Variants in AFAP1L2 observed in about 807,000 individuals in gnomAD.
The protein encoded by AFAP1L2 is actin filament-associated protein 1-like 2.
Under a neutral mutation model 99.3 loss-of-function variants are expected in AFAP1L2, and 46 were observed. The observed-to-expected ratio is 0.46, with a 90% CI of 0.37 to 0.59. The LOEUF (loss-of-function observed/expected upper bound fraction) is 0.59, where lower values mean the gene tolerates loss of function less well. Among genes scored for constraint, AFAP1L2 ranks in the 20% least tolerant of loss-of-function variants. AFAP1L2 has a pLI of 0.00. For missense variants in AFAP1L2, 959 were observed against 1,034.9 expected, an observed-to-expected ratio of 0.93 and a Z score of 1.01; for synonymous variants, 397 against 419.1, an observed-to-expected ratio of 0.95 and a Z score of 0.64.
chr10:114,378,584 G>T (rs2055125542), intron 1 of AFAP1L2, among the ~76,000 whole-genome samples: 1 of 152,184 alleles, frequency 6.6e-6, no homozygotes, highest in Non-Finnish European at 1.5e-5. Context: ...ATGGAGTCTT[G>T]CTCCTTCTGC....
the AFAP1L2 span, among the ~76,000 whole-genome samples, chr10:114,288,045 G>A: frequency 3.9e-5 from 6 of 152,120 alleles, no homozygotes; most frequent in Non-Finnish European, 8.8e-5. Flanking sequence ...TCCATACTTA[G>A]AATTTCCAGT....
At chr10:114,390,814 G>A (rs987835024) in intron 1 of AFAP1L2, among the ~76,000 whole-genome samples, 18 of 151,592 alleles carry the variant, frequency 1.2e-4, no homozygotes, top group East Asian at 3.9e-4. Context: ...TGAACCCAGC[G>A]TCCCTGGGAA....
At chr10:114,351,804 C>T (rs536928043) in intron 1 of AFAP1L2, among the ~76,000 whole-genome samples, 1 of 152,324 alleles carries the variant, frequency 6.6e-6, no homozygotes, top group African/African-American at 2.4e-5. Context: ...GCCCTGGGTT[C>T]TTGATCTTGC....
intron 11 of AFAP1L2, 142 bp from the exon 12 acceptor site, chr10:114,302,626 T>C: frequency 1.0e-6 from 1 of 1,003,118 alleles, no homozygotes; most frequent in South Asian, 1.6e-5. Flanking sequence ...GTGCTTCTCC[T>C]GTTCACCAGC....
Position 114,404,452 on chromosome 10 carries a change from C to A in AFAP1L2, c.4G>T (p.Glu2Ter), listed in dbSNP as rs1308932579. The A allele has an allele frequency of 6.5e-7, 1 of 1,541,528 alleles. No individual in the cohort carries two copies. Among genetic ancestry groups the A allele is most frequent in the Non-Finnish European group, 8.7e-7 (1 of 1,145,784 alleles). The stretch of plus-strand genomic sequence containing the variant: ...CCCGCGCCCTCACCTTTGTACCGCT[C>A]CATCGGGGCCACGGAGTGCGCTCCT... The part of the protein sequence containing the change: M[E>*]RYKALEQLLT... The change falls in exon 1 of 19, where the codon GAG (glutamate) becomes TAG (stop). Residue 2 changes from glutamate to a stop codon, truncating the protein, a stop_gained. Transcript: ENST00000304129. LOFTEE classifies it high-confidence loss of function.
At position 114,300,435 on chromosome 10, in the gene AFAP1L2, A is replaced by G. The variant is rs78313014; in HGVS notation, c.1788+10T>C. Reference sequence around the variant, plus strand: ...AGGTGGTCTTGCTGTCCTGCAGGGGAGGCCTGTACCTGTTCTCCCAGGTTC... The same window carrying G: ...AGGTGGTCTTGCTGTCCTGCAGGGGGGGCCTGTACCTGTTCTCCCAGGTTC... On this transcript the variant is annotated intron_variant, in intron 14 of 18. Coordinates refer to ENST00000304129, the MANE Select transcript of AFAP1L2 (RefSeq NM_001001936.3). The G allele has an allele frequency of 6.2e-7, 1 of 1,614,080 alleles. No individual in the cohort carries two copies. Among genetic ancestry groups the G allele is most frequent in the South Asian group, 1.1e-5 (1 of 91,062 alleles).
At chr10:114,346,605 C>T (rs1259020086) in intron 1 of AFAP1L2, among the ~76,000 whole-genome samples, 1 of 152,210 alleles carries the variant, frequency 6.6e-6, no homozygotes, top group Admixed American at 6.5e-5. Flanking sequence ...CCCTGGAACT[C>T]GCTCACCACA....
intron 1 of AFAP1L2, among the ~76,000 whole-genome samples, chr10:114,367,623 C>A (rs1351653511): frequency 1.3e-5 from 2 of 152,142 alleles, no homozygotes; most frequent in East Asian, 3.9e-4. Flanking sequence ...AGAATGCAAC[C>A]CCCAGTAAAT....
At position 114,299,296 on chromosome 10, in the gene AFAP1L2, T is replaced by C; in HGVS notation, c.2077A>G (p.Lys693Glu). 6.2e-7 allele frequency: 1 copy of C among 1,614,246 alleles called. No individual in the cohort carries two copies. The highest frequency in any genetic ancestry group is 8.5e-7 in the Non-Finnish European group (1 of 1,180,034). The change falls in exon 16 of 19, where the codon AAA becomes GAA. Residue 693 changes from lysine to glutamate, a missense_variant. By Grantham distance (56) the Lys-to-Glu change is moderately conservative. This residue lies in a region of AFAP1L2 where 576 missense variants were observed against 562.1 expected (regional missense o/e 1.02). Transcript: ENST00000304129. ...RGHLAQLRKE[K>E]RELKETLLKC... is the part of the protein sequence containing the mutation. The stretch of plus-strand genomic sequence containing the variant: ...AGTAGGGTTTCCTTTAGCTCCCGTT[T>C]CTCTTTCCGGAGCTGAGCCAGGTGC...
chr10:114,319,704 G>C, intron 5 of AFAP1L2: 1 of 1,211,782 alleles, frequency 8.3e-7, no homozygotes. Context: ...ATGAAGAGAG[G>C]AGCACGCCCA....
intron 1 of AFAP1L2, among the ~76,000 whole-genome samples, chr10:114,380,947 G>A (rs2055530976): frequency 6.6e-6 from 1 of 152,206 alleles, no homozygotes; most frequent in Non-Finnish European, 1.5e-5. Context: ...CCCAAATGAT[G>A]AAACATAGAT....
intron 1 of AFAP1L2, among the ~76,000 whole-genome samples, chr10:114,402,653 T>C (rs2058332377): frequency 6.6e-6 from 1 of 152,198 alleles, no homozygotes; most frequent in Admixed American, 6.5e-5. Context: ...GTGGGAGGAT[T>C]TTAAGCTCCT....
At chr10:114,302,895 T>G (rs1385850077) in intron 11 of AFAP1L2, among the ~76,000 whole-genome samples, 1 of 152,238 alleles carries the variant, frequency 6.6e-6, no homozygotes, top group Non-Finnish European at 1.5e-5. Context: ...ACAATGCATG[T>G]CATTCCCCCA....
intron 1 of AFAP1L2, among the ~76,000 whole-genome samples, chr10:114,400,737 C>T (rs560589687): frequency 1.3e-5 from 2 of 152,286 alleles, no homozygotes; most frequent in Non-Finnish European, 2.9e-5. Flanking sequence ...ACTTTGGCTG[C>T]ATATTGGAAT....
At position 114,300,521 on chromosome 10, in the gene AFAP1L2, G is replaced by A. The variant is rs749009968; in HGVS notation, c.1712C>T (p.Ala571Val). The change falls in exon 14 of 19, where the codon GCC becomes GTC. Residue 571 changes from alanine (A) to valine (V), a missense_variant. By Grantham distance (64) the Ala-to-Val change is moderately conservative. This residue lies in a region of AFAP1L2 where 576 missense variants were observed against 562.1 expected (regional missense o/e 1.02). Coordinates refer to ENST00000304129, the MANE Select transcript of AFAP1L2 (RefSeq NM_001001936.3). Reference sequence around the variant, plus strand: ...ACCTGGGCCTGAGTCTGCCGGGAGGGCCTCAGTTGCATTGTCCAGGCAGGA... The same window carrying A: ...ACCTGGGCCTGAGTCTGCCGGGAGGACCTCAGTTGCATTGTCCAGGCAGGA... ...TLSCLDNATE[A>V]LPADSGPGPT... 16 of 1,614,018 alleles carry A rather than the reference G, an allele frequency of 9.9e-6. No individual in the cohort carries two copies. The highest frequency in any genetic ancestry group is 1.3e-5 in the Non-Finnish European group (15 of 1,180,026).
At chr10:114,355,051 A>C (rs1291096513) in intron 1 of AFAP1L2, among the ~76,000 whole-genome samples, 1 of 152,208 alleles carries the variant, frequency 6.6e-6, no homozygotes, top group Non-Finnish European at 1.5e-5. Context: ...GAAAAGTCCA[A>C]GCACAAAATC....
chr10:114,371,064 G>T (rs773187766), intron 1 of AFAP1L2, among the ~76,000 whole-genome samples: 4 of 152,184 alleles, frequency 2.6e-5, no homozygotes, highest in Non-Finnish European at 5.9e-5. Context: ...TCCTCACTGT[G>T]ACAGGCTGGT....
At chr10:114,328,174 G>C (rs565637714) in intron 4 of AFAP1L2, among the ~76,000 whole-genome samples, 1 of 152,280 alleles carries the variant, frequency 6.6e-6, no homozygotes, top group South Asian at 2.1e-4. Context: ...CACCCACGAG[G>C]TTGCTCCAAA....
chr10:114,282,601 C>G, the AFAP1L2 span: 18 of 1,604,756 alleles, frequency 1.1e-5, no homozygotes, highest in Non-Finnish European at 1.5e-5. Flanking sequence ...TTTACAGGTT[C>G]TTTCAGGGCC....
Sources: allele counts gnomAD v4.1 joint callset (sites outside exome capture counted in the v4.1 genomes callset), GRCh38; gene constraint gnomAD v4.1.1; regional missense constraint gnomAD v4.1.1; transcripts MANE v1.5; gene names NCBI Gene and HGNC (gene_info 2026-07-23, HGNC 2026-07-21).